Variants in ANO6 observed in about 807,000 individuals in gnomAD.
The protein encoded by ANO6 is anoctamin 6.
In ANO6, 106 loss-of-function variants were observed where a neutral mutation model predicts 117.5. The observed-to-expected ratio is 0.90, with a 90% CI of 0.77 to 1.06. The LOEUF (loss-of-function observed/expected upper bound fraction) is 1.06. Ranked by LOEUF, ANO6 falls within the 50% of genes least tolerant of loss-of-function variation. ANO6 has a pLI of 0.00. For missense variants in ANO6, 955 were observed against 1,121.1 expected (o/e 0.85, Z 2.12); for synonymous variants, 367 against 385.1 (o/e 0.95, Z 0.55).
chr12:45,372,123 GAAAT>G (rs1193394793), intron 9 of ANO6, among the ~76,000 whole-genome samples: 1 of 152,144 alleles, frequency 6.6e-6, no homozygotes, highest in Non-Finnish European at 1.5e-5. Flanking sequence ...AATGGAAGAT[GAAAT>G]GAATGAAATG....
chr12:45,409,297 AT>A, intron 15 of ANO6, 59 bp from the exon 16 acceptor site: 1 of 1,602,108 alleles, frequency 6.2e-7, no homozygotes, highest in Non-Finnish European at 8.5e-7. Context: ...GCAGCAAAAT[AT>A]TTTTATGACC....
intron 3 of ANO6, among the ~76,000 whole-genome samples, chr12:45,334,528 G>C (rs116300951): frequency 0.014 from 2,118 of 152,100 alleles, 48 homozygotes; most frequent in African/African-American, 0.048. Context: ...AGGGAAGAAA[G>C]CTCCTCTGGA....
chr12:45,349,356 G>A (rs74080813), intron 6 of ANO6, among the ~76,000 whole-genome samples: 4,938 of 152,178 alleles, frequency 0.032, 244 homozygotes, highest in African/African-American at 0.11. Context: ...TTTTTTTAAG[G>A]ACTACATTCT....
At chr12:45,330,433 T>C (rs1383246949) in intron 2 of ANO6, among the ~76,000 whole-genome samples, 1 of 152,128 alleles carries the variant, frequency 6.6e-6, no homozygotes, top group African/African-American at 2.4e-5. Context: ...TAGAAAACTT[T>C]TCAGTATCAC....
rs1184617924 is a variant in ANO6 at position 45,317,357 on chromosome 12, T to C, written c.151-13938T>C. On this transcript the variant is annotated intron_variant, in intron 2 of 19. Coordinates refer to ENST00000320560, the MANE Select transcript of ANO6 (RefSeq NM_001025356.3). The stretch of plus-strand genomic sequence containing the variant: ...TCATTGTTCAATTCCCACCTATGAG[T>C]GAGAACATGAAGTGTTTGGTTTTTT... 8.7e-5 allele frequency among the ~76,000 whole-genome samples: 12 copies of C among 137,350 alleles called. No individual in the cohort carries two copies. In the East Asian group the frequency reaches 2.5e-3, roughly 28 times the overall value. 90.1% of individuals were successfully genotyped at this position (137,350 alleles called of 152,430 possible).
At chr12:45,220,484 C>T (rs1352543580) in intron 1 of ANO6, among the ~76,000 whole-genome samples, 1 of 152,130 alleles carries the variant, frequency 6.6e-6, no homozygotes, top group Non-Finnish European at 1.5e-5. Context: ...TGATACTAGC[C>T]CCAGTCTTCC....
intron 1 of ANO6, among the ~76,000 whole-genome samples, chr12:45,278,251 C>T (rs1381839960): frequency 6.6e-6 from 1 of 152,162 alleles, no homozygotes; most frequent in Non-Finnish European, 1.5e-5. Context: ...GCCACCGTGC[C>T]CAACCCCCAA....
intron 7 of ANO6, among the ~76,000 whole-genome samples, chr12:45,354,493 A>G (rs1328441933): frequency 6.6e-6 from 1 of 152,138 alleles, no homozygotes; most frequent in East Asian, 1.9e-4. Context: ...AAATGCCAGC[A>G]CAAGAGAGAG....
chr12:45,275,597 G>A (rs1461231653), intron 1 of ANO6, among the ~76,000 whole-genome samples: 17 of 152,138 alleles, frequency 1.1e-4, no homozygotes, highest in South Asian at 4.1e-4. Context: ...AATCTGTTAC[G>A]TATGGTGTCT....
chr12:45,272,333 G>A (rs1212339294), intron 1 of ANO6, among the ~76,000 whole-genome samples: 1 of 152,092 alleles, frequency 6.6e-6, no homozygotes, highest in Non-Finnish European at 1.5e-5. Context: ...AGAGAAAAAA[G>A]GGTTTTTTAA....
chr12:45,397,439 G>T (rs1271570385), intron 12 of ANO6, among the ~76,000 whole-genome samples: 2 of 152,174 alleles, frequency 1.3e-5, no homozygotes, highest in Non-Finnish European at 2.9e-5. Flanking sequence ...ATTCCTCAAG[G>T]ATGTAGAACT....
chr12:45,420,358 T>C (rs1346363389), intron 17 of ANO6, among the ~76,000 whole-genome samples: 1 of 152,146 alleles, frequency 6.6e-6, no homozygotes, highest in Non-Finnish European at 1.5e-5. Flanking sequence ...CAGTGGCTCG[T>C]ACCTATAATC....
intron 1 of ANO6, among the ~76,000 whole-genome samples, chr12:45,290,432 A>G (rs1939057433): frequency 1.3e-5 from 2 of 152,184 alleles, no homozygotes; most frequent in African/African-American, 4.8e-5. Context: ...TCCCCAGGCC[A>G]TGTGCAATCA....
At chr12:45,439,668 G>A in intron 19 of ANO6, 3 of 329,534 alleles carry the variant, frequency 9.1e-6, no homozygotes, top group Non-Finnish European at 1.2e-5. Flanking sequence ...TTTTTTTTTT[G>A]AGACAGTATC....
chr12:45,221,027 A>G (rs1445676786), intron 1 of ANO6, among the ~76,000 whole-genome samples: 2 of 151,440 alleles, frequency 1.3e-5, no homozygotes, highest in Non-Finnish European at 2.9e-5. Flanking sequence ...ACCCAGGCAA[A>G]ACAACCTGGG....
At chr12:45,347,228 T>C (rs539519361) in intron 4 of ANO6, 141 bp downstream of exon 4, 5 of 783,920 alleles carry the variant, frequency 6.4e-6, no homozygotes, top group East Asian at 5.3e-5. Context: ...TCAATCAAAA[T>C]CTGCATTGTG....
At chr12:45,407,570 C>T (rs559941035) in intron 15 of ANO6, among the ~76,000 whole-genome samples, 1 of 143,276 alleles carries the variant, frequency 7.0e-6, no homozygotes, top group Admixed American at 7.7e-5. Context: ...GGAAGCTGCA[C>T]TACTCACAAG....
chr12:45,242,591 C>T (rs569139271), intron 1 of ANO6, among the ~76,000 whole-genome samples: 8 of 152,230 alleles, frequency 5.3e-5, no homozygotes, highest in African/African-American at 1.9e-4. Context: ...CACTGTCCAA[C>T]CAGTCCCAAT....
At chr12:45,405,995 C>G (rs1331868639) in intron 15 of ANO6, among the ~76,000 whole-genome samples, 1 of 152,154 alleles carries the variant, frequency 6.6e-6, no homozygotes, top group Non-Finnish European at 1.5e-5. Context: ...CCTTATAAGT[C>G]AGCAGTTGTT....
Sources: gnomAD v4.1 joint callset for allele counts (sites outside exome capture counted in the v4.1 genomes callset) on GRCh38, gnomAD v4.1.1 for gene constraint, MANE v1.5 for transcripts, NCBI Gene and HGNC (gene_info 2026-07-23, HGNC 2026-07-21) for gene names.